The following ATXN10 variants were observed in gnomAD, a reference collection of about 807,000 sequenced individuals.
The protein encoded by ATXN10 is ataxin-10.
In ATXN10, 28 loss-of-function variants were observed where a neutral mutation model predicts 52.9. That is an observed-to-expected ratio of 0.53 (90% CI 0.39 to 0.73). The LOEUF is 0.73. ATXN10 is among the 30% of genes least tolerant of loss of function. The pLI is 0.00. For synonymous variants in ATXN10, 226 were observed against 221.5 expected (o/e 1.02, Z -0.18); for missense variants, 565 against 577.0 (o/e 0.98, Z 0.21).
At chr22:45,723,420 G>T (rs939019206) in intron 6 of ATXN10, among the ~76,000 whole-genome samples, 8 of 151,960 alleles carry the variant, frequency 5.3e-5, no homozygotes, top group Non-Finnish European at 1.0e-4. Flanking sequence ...TGTGGTTTTG[G>T]TCACATGGAT....
chr22:45,839,089 A>G (rs912913879), intron 10 of ATXN10, among the ~76,000 whole-genome samples: 1 of 152,204 alleles, frequency 6.6e-6, no homozygotes, highest in Non-Finnish European at 1.5e-5. Context: ...TAAAATATGT[A>G]AGAGTATTAA....
In ATXN10 at chr22:45,684,310, A is replaced by G. The variant is rs950366644; in HGVS notation, c.117-5402A>G. On this transcript the variant is annotated intron_variant, in intron 1 of 11. Transcript: ENST00000252934. The surrounding 1 kb of genome is among the most constrained non-coding windows in gnomAD (Gnocchi z 4.1). ...TGTTCTGATGAAAGATGAATTTTCA[A>G]TGTGATGAGGACAGTGGGAAAGAGG... Among the ~76,000 whole-genome samples, 9 of 152,048 alleles carry G rather than the reference A, an allele frequency of 5.9e-5. No individual in the cohort carries two copies. Among genetic ancestry groups the G allele is most frequent in the African/African-American group, 1.9e-4 (8 of 41,402 alleles).
chr22:45,725,829 A>G (rs1924847364), intron 6 of ATXN10, among the ~76,000 whole-genome samples: 1 of 151,994 alleles, frequency 6.6e-6, no homozygotes, highest in Admixed American at 6.6e-5. Context: ...TACTATTTTG[A>G]GATATGTTCC....
At chr22:45,809,631 C>T (rs779017191) in intron 10 of ATXN10, among the ~76,000 whole-genome samples, 9 of 152,160 alleles carry the variant, frequency 5.9e-5, no homozygotes, top group Non-Finnish European at 1.2e-4. Context: ...CTGCACATCC[C>T]GTTCCCTGTT....
chr22:45,823,392 GA>G lies in ATXN10; in HGVS notation c.1237+16372del. ...TTCTATCTGGATTTGTAATCTATCAGAATTGTAATTATTTATGATGTACAGT... is the reference window on the plus strand; with the variant it reads ...TTCTATCTGGATTTGTAATCTATCAGATTGTAATTATTTATGATGTACAGT... On this transcript the variant is annotated intron_variant, in intron 10 of 11. Coordinates refer to ENST00000252934, the MANE Select transcript of ATXN10 (RefSeq NM_013236.4). This position sits in a 1 kb window ranked among gnomAD's most constrained non-coding sequence, Gnocchi z 4.9. 3.3e-6 allele frequency: 1 copy of G among 306,306 alleles called. No homozygotes were observed. Among genetic ancestry groups the G allele is most frequent in the East Asian group, 9.1e-5 (1 of 11,024 alleles). 19.0% of individuals were successfully genotyped at this position (306,306 alleles called of 1,614,324 possible). A position where few individuals can be genotyped will look rare whatever the true frequency, so the allele number is the denominator to read the frequency against.
Position 45,772,359 on chromosome 22 carries a change from C to T in ATXN10, c.1173+31821C>T, listed in dbSNP as rs1387923663. 6.6e-6 allele frequency among the ~76,000 whole-genome samples: 1 copy of T among 152,166 alleles called. No individual in the cohort carries two copies. Among genetic ancestry groups the T allele is most frequent in the Non-Finnish European group, 1.5e-5 (1 of 68,016 alleles). Reference sequence around the variant, plus strand: ...TTTTTTGTTCATTGAATTGCTTTTGCACCTTTGTCAAAGATCAAATGGCCC... The same window carrying T: ...TTTTTTGTTCATTGAATTGCTTTTGTACCTTTGTCAAAGATCAAATGGCCC... On this transcript the variant is annotated intron_variant, in intron 9 of 11. Coordinates refer to ENST00000252934, the MANE Select transcript of ATXN10 (RefSeq NM_013236.4). The surrounding 1 kb of genome is among the most constrained non-coding windows in gnomAD (Gnocchi z 4.1).
In ATXN10 at chr22:45,750,450, C is replaced by T. The variant is rs1220819984; in HGVS notation, c.1173+9912C>T. On this transcript the variant is annotated intron_variant, in intron 9 of 11. Coordinates refer to ENST00000252934, the MANE Select transcript of ATXN10 (RefSeq NM_013236.4). The surrounding 1 kb of genome is among the most constrained non-coding windows in gnomAD (Gnocchi z 4.2). ...TTAACAGTAAAAAACAATTATTTCA[C>T]AGTATCCAAAAAGAAGAATATCTGA... 6.6e-6 allele frequency among the ~76,000 whole-genome samples: 1 copy of T among 152,068 alleles called. No homozygotes were observed. The highest frequency in any genetic ancestry group is 1.9e-4 in the East Asian group (1 of 5,190).
chr22:45,747,793 G>A (rs1052973641), intron 9 of ATXN10, among the ~76,000 whole-genome samples: 1 of 152,058 alleles, frequency 6.6e-6, no homozygotes, highest in African/African-American at 2.4e-5. Flanking sequence ...AGGATTAAAT[G>A]TGATCATGTA....
At position 45,823,205 on chromosome 22, in the gene ATXN10, A is replaced by G. The variant is rs781728803; in HGVS notation, c.1237+16183A>G. On this transcript the variant is annotated intron_variant, in intron 10 of 11. Transcript: ENST00000252934. The surrounding 1 kb of genome is among the most constrained non-coding windows in gnomAD (Gnocchi z 4.9). ...GAGTGTCCCGTCTCCCTCACTGCCA[A>G]TCCCCAGATGTAACTTCTGTTCTGA... 1.6e-4 allele frequency: 76 copies of G among 471,640 alleles called. No individual in the cohort carries two copies. The highest frequency in any genetic ancestry group is 2.6e-4 in the Non-Finnish European group (59 of 227,178). The allele number at this position is 471,640 out of a possible 1,614,324, so 29.2% of individuals were successfully genotyped here. A position where few individuals can be genotyped will look rare whatever the true frequency, so the allele number is the denominator to read the frequency against.
rs190007232 is a variant in ATXN10, at chr22:45,700,453, G to A, written c.488+75G>A. ...TATTTTTCCATTTTATATAAAGTTCGAAAACAGGAAAAAGTAACCCACTGT... is the reference window on the plus strand; with the variant it reads ...TATTTTTCCATTTTATATAAAGTTCAAAAACAGGAAAAAGTAACCCACTGT... On this transcript the variant is annotated intron_variant, in intron 4 of 11. Transcript: ENST00000252934. 2.6e-3 allele frequency: 3,150 copies of A among 1,220,358 alleles called. 7 individuals are homozygous for A. The highest frequency in any genetic ancestry group is 3.5e-3 in the Non-Finnish European group (2,928 of 836,480). The allele number at this position is 1,220,358 out of a possible 1,614,324, so 75.6% of individuals were successfully genotyped here.
intron 3 of ATXN10, among the ~76,000 whole-genome samples, chr22:45,693,297 G>C (rs1252593004): frequency 6.6e-6 from 1 of 152,174 alleles, no homozygotes. Flanking sequence ...AAGTCTGTCT[G>C]TTCCAGTTGC....
intron 9 of ATXN10, among the ~76,000 whole-genome samples, chr22:45,791,964 T>C (rs1472703703): frequency 6.6e-6 from 1 of 152,208 alleles, no homozygotes. Flanking sequence ...ATTTTTGTTC[T>C]TTTAATATTT....
chr22:45,801,067 G>A (rs1927916991), intron 9 of ATXN10, among the ~76,000 whole-genome samples: 3 of 152,244 alleles, frequency 2.0e-5, no homozygotes. Context: ...AGGGGATAGT[G>A]TGTGGAGGGC....
At chr22:45,742,712 T>C (rs1925584326) in intron 9 of ATXN10, among the ~76,000 whole-genome samples, 1 of 152,162 alleles carries the variant, frequency 6.6e-6, no homozygotes, top group African/African-American at 2.4e-5. Context: ...ATGTAGCCGT[T>C]GATAGCTGGA....
Position 45,774,405 on chromosome 22 carries a change from G to A in ATXN10, c.1174-32554G>A, listed in dbSNP as rs2146844993. 6.6e-6 allele frequency among the ~76,000 whole-genome samples: 1 copy of A among 152,364 alleles called. No homozygotes were observed. The highest frequency in any genetic ancestry group is 2.4e-5 in the African/African-American group (1 of 41,584). Reference sequence around the variant, plus strand: ...TGTGCGAGCAAGCAGTCCTGTGGGAGAGCTCCAGGTCTCCTGTTCCTTATG... The same window carrying A: ...TGTGCGAGCAAGCAGTCCTGTGGGAAAGCTCCAGGTCTCCTGTTCCTTATG... On this transcript the variant is annotated intron_variant, in intron 9 of 11. Transcript: ENST00000252934. The surrounding 1 kb of genome is among the most constrained non-coding windows in gnomAD (Gnocchi z 6.2).
At position 45,841,784 on chromosome 22, in the gene ATXN10, G is replaced by T. The variant is rs74717476; in HGVS notation, c.1238-1207G>T. ...GAGCACCAGCTTTGTGAATGTTGAA[G>T]TTTTCTCTGTGTTCTCATGCCATGT... On this transcript the variant is annotated intron_variant, in intron 10 of 11. Coordinates refer to ENST00000252934, the MANE Select transcript of ATXN10 (RefSeq NM_013236.4). This position sits in a 1 kb window ranked among gnomAD's most constrained non-coding sequence, Gnocchi z 5.1. Among the ~76,000 whole-genome samples the T allele has an allele frequency of 7.2e-3, 1,092 of 152,290 alleles. 9 individuals carry two copies. Among genetic ancestry groups the T allele is most frequent in the African/African-American group, 0.025 (1,036 of 41,542 alleles).
chr22:45,817,410 C>T (rs528865494), intron 10 of ATXN10, among the ~76,000 whole-genome samples: 5 of 150,718 alleles, frequency 3.3e-5, no homozygotes, highest in East Asian at 1.9e-4. Context: ...CTGCAACCTG[C>T]GCCTCCTGAG....
rs2146846481 is a variant in ATXN10, at chr22:45,775,530, G to A, written c.1174-31429G>A. ...GGTTCAGAAATAGTTATTCTGTAGT[G>A]TCTCAGTTTTATTAAAATGCAGTTA... is the stretch of plus-strand genomic sequence containing the variant. On this transcript the variant is annotated intron_variant, in intron 9 of 11. Coordinates refer to ENST00000252934, the MANE Select transcript of ATXN10 (RefSeq NM_013236.4). The surrounding 1 kb of genome is among the most constrained non-coding windows in gnomAD (Gnocchi z 4.7). Among the ~76,000 whole-genome samples the A allele has an allele frequency of 6.6e-6, 1 of 152,308 alleles. No individual in the cohort carries two copies. Among genetic ancestry groups the A allele is most frequent in the South Asian group, 2.1e-4 (1 of 4,826 alleles).
intron 10 of ATXN10, among the ~76,000 whole-genome samples, chr22:45,812,188 G>T (rs747176340): frequency 1.3e-5 from 2 of 152,090 alleles, no homozygotes; most frequent in African/African-American, 2.4e-5. Context: ...CACCCGCTCC[G>T]ATCCCTGCCA....
Sources: gnomAD v4.1 joint callset for allele counts (sites outside exome capture counted in the v4.1 genomes callset) on GRCh38, gnomAD v4.1.1 for gene constraint, Gnocchi (gnomAD v3.1) non-coding constraint, MANE v1.5 for transcripts, NCBI Gene and HGNC (gene_info 2026-07-23, HGNC 2026-07-21) for gene names.